NPAS3: variants seen among roughly 807,000 people sequenced by gnomAD.
NPAS3 encodes the protein neuronal PAS domain protein 3, also known as neuronal PAS domain-containing protein 3.
NPAS3 carries 14 observed loss-of-function variants against 73.1 expected under a neutral mutation model. The ratio of observed to expected loss-of-function variants is 0.19; its 90% CI spans 0.13 to 0.30. NPAS3 has a LOEUF of 0.30. NPAS3 is among the 10% of genes least tolerant of loss of function. NPAS3 has a pLI of 1.00. For missense variants in NPAS3, 1,096 were observed against 1,250.0 expected, an observed-to-expected ratio of 0.88 and a Z score of 1.86; for synonymous variants, 620 against 541.5, an observed-to-expected ratio of 1.14 and a Z score of -2.01.
intron 4 of NPAS3, among the ~76,000 whole-genome samples, chr14:33,412,608 C>T (rs2047978614): frequency 6.6e-6 from 1 of 152,034 alleles, no homozygotes; most frequent in South Asian, 2.1e-4. Flanking sequence ...TTTGAATTGC[C>T]TGTGACTAAG....
intron 9 of NPAS3, among the ~76,000 whole-genome samples, chr14:33,793,363 C>T (rs1460632267): frequency 1.3e-5 from 2 of 152,136 alleles, no homozygotes; most frequent in African/African-American, 4.8e-5. Flanking sequence ...TTTAGTTCAT[C>T]GGAGGACTAT....
At chr14:33,028,567 C>A (rs2039885164) in intron 1 of NPAS3, among the ~76,000 whole-genome samples, 6 of 152,134 alleles carry the variant, frequency 3.9e-5, no homozygotes, top group Admixed American at 2.6e-4. Flanking sequence ...TATATTTGGA[C>A]TCTGTGGAAT....
At chr14:32,966,519 G>A (rs1198412018) in intron 1 of NPAS3, among the ~76,000 whole-genome samples, 4 of 152,040 alleles carry the variant, frequency 2.6e-5, no homozygotes, top group African/African-American at 4.8e-5. Context: ...AAAACTAGAC[G>A]GTTCTCTCTC....
chr14:33,578,362 T>C (rs923114225), intron 5 of NPAS3: 1 of 369,858 alleles, frequency 2.7e-6, no homozygotes, highest in Admixed American at 3.6e-5. Flanking sequence ...CCTGGCTAAT[T>C]TTTTGTATTT....
At chr14:33,057,347 G>A (rs2040927146) in intron 2 of NPAS3, among the ~76,000 whole-genome samples, 1 of 152,016 alleles carries the variant, frequency 6.6e-6, no homozygotes, top group Non-Finnish European at 1.5e-5. Flanking sequence ...GTCATTTATT[G>A]TGGCTCTTGG....
intron 5 of NPAS3, among the ~76,000 whole-genome samples, chr14:33,588,227 CCTT>C (rs1276017773): frequency 6.6e-6 from 1 of 152,184 alleles, no homozygotes; most frequent in Non-Finnish European, 1.5e-5. Flanking sequence ...TAAAATGTCT[CCTT>C]CTTTTGCCAC....
chr14:33,004,864 A>G (rs2038945232), intron 1 of NPAS3, among the ~76,000 whole-genome samples: 1 of 106,462 alleles, frequency 9.4e-6, no homozygotes. Context: ...ACTAAAAACT[A>G]AGACACAAAC....
chr14:33,192,346 G>A (rs1594352783), intron 2 of NPAS3, among the ~76,000 whole-genome samples: 1 of 152,250 alleles, frequency 6.6e-6, no homozygotes, highest in East Asian at 1.9e-4. Flanking sequence ...GAAACCATGG[G>A]TTCTTTAAGT....
chr14:33,275,216 T>C (rs139840723), intron 3 of NPAS3, among the ~76,000 whole-genome samples: 87 of 152,306 alleles, frequency 5.7e-4, no homozygotes, highest in African/African-American at 2.0e-3. Flanking sequence ...ACATATTTTA[T>C]GTGCCCACCA....
At chr14:33,020,666 C>T (rs1181133503) in intron 1 of NPAS3, among the ~76,000 whole-genome samples, 2 of 152,092 alleles carry the variant, frequency 1.3e-5, no homozygotes, top group African/African-American at 4.8e-5. Flanking sequence ...TGCTTCCCAG[C>T]TCGCCTGCTT....
chr14:33,017,188 T>C (rs546166083), intron 1 of NPAS3, among the ~76,000 whole-genome samples: 2 of 152,286 alleles, frequency 1.3e-5, no homozygotes, highest in African/African-American at 4.8e-5. Flanking sequence ...TTTCTTGATA[T>C]TTTGCAACAA....
At chr14:33,225,309 C>T (rs1272613733) in intron 3 of NPAS3, among the ~76,000 whole-genome samples, 1 of 152,192 alleles carries the variant, frequency 6.6e-6, no homozygotes, top group Non-Finnish European at 1.5e-5. Context: ...CATACATGAG[C>T]ACAGGTGCTC....
chr14:32,950,605 A>G (rs1269421360), intron 1 of NPAS3, among the ~76,000 whole-genome samples: 1 of 152,138 alleles, frequency 6.6e-6, no homozygotes. Context: ...TACAACTACT[A>G]GCAAGGTACA....
intron 5 of NPAS3, among the ~76,000 whole-genome samples, chr14:33,582,970 G>GTTTTTTTTTTTTTTTTGT: frequency 1.1e-5 from 1 of 93,298 alleles, no homozygotes; most frequent in East Asian, 2.4e-4. Context: ...TATTTAAAGG[G>GTTTTTTTTTTTTTTTTGT]TTTTTTTTTT....
chr14:33,160,371 A>G (rs1255747499), intron 2 of NPAS3, among the ~76,000 whole-genome samples: 2 of 152,098 alleles, frequency 1.3e-5, no homozygotes, highest in East Asian at 3.9e-4. Flanking sequence ...TAAGTGGTCC[A>G]AAAGTGGTGA....
chr14:33,719,105 G>A (rs554151518), intron 6 of NPAS3, among the ~76,000 whole-genome samples: 1 of 152,266 alleles, frequency 6.6e-6, no homozygotes, highest in East Asian at 1.9e-4. Context: ...TACAACCTTG[G>A]TGACAGAGCG....
intron 2 of NPAS3, among the ~76,000 whole-genome samples, chr14:33,161,703 G>A (rs558948577): frequency 2.2e-4 from 33 of 152,218 alleles, no homozygotes; most frequent in Non-Finnish European, 4.6e-4. Flanking sequence ...GTAGCCAAGC[G>A]GTACAGGGGA....
chr14:33,573,339 C>A (rs1034152127), intron 5 of NPAS3, among the ~76,000 whole-genome samples: 2 of 152,134 alleles, frequency 1.3e-5, no homozygotes, highest in African/African-American at 4.8e-5. Flanking sequence ...CCTTCAGGAG[C>A]TGGTTTCTGC....
At chr14:32,949,290 T>G (rs1216303261) in intron 1 of NPAS3, among the ~76,000 whole-genome samples, 3 of 152,092 alleles carry the variant, frequency 2.0e-5, no homozygotes, top group Non-Finnish European at 4.4e-5. Flanking sequence ...AGTCCTGTGT[T>G]CCTTTTAATA....
Sources: gnomAD v4.1 joint callset for allele counts (sites outside exome capture counted in the v4.1 genomes callset) on GRCh38, gnomAD v4.1.1 for gene constraint, MANE v1.5 for transcripts, NCBI Gene and HGNC (gene_info 2026-07-23, HGNC 2026-07-21) for gene names.